BTBD10: variants seen among roughly 807,000 people sequenced by gnomAD.
BTBD10 encodes BTB/POZ domain-containing protein 10.
BTBD10 carries 21 observed loss-of-function variants against 53.2 expected under a neutral mutation model. That is an observed-to-expected ratio of 0.39 (90% CI 0.28 to 0.57). The LOEUF (loss-of-function observed/expected upper bound fraction) is 0.57, where lower values mean the gene tolerates loss of function less well. Among genes scored for constraint, BTBD10 ranks in the 20% least tolerant of loss-of-function variants. BTBD10 has a pLI of 0.53. For synonymous variants in BTBD10, 149 were observed against 192.7 expected (o/e 0.77, Z 1.88); for missense variants, 360 against 594.7 (o/e 0.61, Z 4.10).
At chr11:13,448,210 C>T (rs913307457) in intron 1 of BTBD10, among the ~76,000 whole-genome samples, 2 of 152,098 alleles carry the variant, frequency 1.3e-5, no homozygotes, top group Non-Finnish European at 2.9e-5. Flanking sequence ...GGAAAAAAGA[C>T]ACCTCTCATG....
intron 6 of BTBD10, among the ~76,000 whole-genome samples, chr11:13,411,908 C>T (rs1302986858): frequency 6.6e-6 from 1 of 151,732 alleles, no homozygotes; most frequent in African/African-American, 2.4e-5. Flanking sequence ...CTCGGCTCAC[C>T]ACAACCTCCA....
At chr11:13,414,861 AAAAAG>A in intron 5 of BTBD10, among the ~76,000 whole-genome samples, 1 of 145,350 alleles carries the variant, frequency 6.9e-6, no homozygotes, top group Middle Eastern at 3.5e-3. Context: ...AAAAAAAAAA[AAAAAG>A]AAAAGACCTG....
At chr11:13,399,902 C>T (rs1312544080) in intron 8 of BTBD10, among the ~76,000 whole-genome samples, 1 of 152,198 alleles carries the variant, frequency 6.6e-6, no homozygotes, top group Non-Finnish European at 1.5e-5. Context: ...GATCGTTCCT[C>T]TGGAAGTTTT....
chr11:13,450,136 A>G (rs549173187), intron 1 of BTBD10, among the ~76,000 whole-genome samples: 123 of 152,326 alleles, frequency 8.1e-4, no homozygotes, highest in Non-Finnish European at 1.2e-3. Context: ...AGAATTACAT[A>G]GTGATCCCAG....
chr11:13,457,497 C>T (rs1197860345), intron 1 of BTBD10, among the ~76,000 whole-genome samples: 1 of 152,112 alleles, frequency 6.6e-6, no homozygotes, highest in African/African-American at 2.4e-5. Context: ...AGGTACAGAA[C>T]AAGCAGTATT....
intron 5 of BTBD10, among the ~76,000 whole-genome samples, chr11:13,416,757 G>A (rs1232090101): frequency 2.0e-5 from 3 of 152,176 alleles, no homozygotes; most frequent in Admixed American, 1.3e-4. Flanking sequence ...CAGGAGGATC[G>A]CTTGAGCCCT....
Position 13,391,151 on chromosome 11 carries a change from A to T in BTBD10, c.1118-2010T>A, listed in dbSNP as rs79353117. Among the ~76,000 whole-genome samples the T allele has an allele frequency of 6.3e-3, 956 of 152,300 alleles. 14 individuals carry two copies. Among genetic ancestry groups the T allele is most frequent in the African/African-American group, 0.022 (900 of 41,560 alleles). On this transcript the variant is annotated intron_variant, in intron 8 of 8. Transcript: ENST00000278174. The stretch of plus-strand genomic sequence containing the variant: ...AATTGGAAGGTCTGTACTCCTCAGA[A>T]TATTATACAAGGCTTTTTTTACAGC...
At chr11:13,435,874 T>A (rs1420144193) in intron 2 of BTBD10, among the ~76,000 whole-genome samples, 2 of 152,218 alleles carry the variant, frequency 1.3e-5, no homozygotes, top group Non-Finnish European at 2.9e-5. Context: ...CCTTTTTCTA[T>A]TAAATTCTCC....
At chr11:13,394,818 T>A (rs1377502974) in intron 8 of BTBD10, among the ~76,000 whole-genome samples, 1 of 152,032 alleles carries the variant, frequency 6.6e-6, no homozygotes, top group Non-Finnish European at 1.5e-5. Context: ...TTGCGATAGT[T>A]TGCTGAGAAT....
intron 2 of BTBD10, among the ~76,000 whole-genome samples, chr11:13,434,456 C>A (rs572606137): frequency 7.7e-4 from 117 of 152,238 alleles, no homozygotes; most frequent in Non-Finnish European, 1.4e-3. Context: ...TAAGAGTTAT[C>A]CTTGGCTTTT....
intron 6 of BTBD10, among the ~76,000 whole-genome samples, chr11:13,406,494 C>T (rs1266545726): frequency 6.6e-6 from 1 of 151,862 alleles, no homozygotes; most frequent in Admixed American, 6.6e-5. Context: ...ATCTCAAGAA[C>T]TACTGCTACT....
chr11:13,392,201 C>T (rs1298656231), intron 8 of BTBD10, among the ~76,000 whole-genome samples: 2 of 152,060 alleles, frequency 1.3e-5, no homozygotes, highest in African/African-American at 2.4e-5. Flanking sequence ...ATAGTGGAAG[C>T]GTAAAGAATT....
chr11:13,397,837 T>C (rs1361887081), intron 8 of BTBD10, among the ~76,000 whole-genome samples: 1 of 152,206 alleles, frequency 6.6e-6, no homozygotes, highest in African/African-American at 2.4e-5. Flanking sequence ...TCAGTTTCCA[T>C]GTAGTTGAGT....
intron 1 of BTBD10, among the ~76,000 whole-genome samples, chr11:13,455,647 G>A (rs1352711355): frequency 1.3e-5 from 2 of 152,026 alleles, no homozygotes; most frequent in East Asian, 3.9e-4. Context: ...TTCAAAACCA[G>A]AAACACCTTA....
rs1325821092 is a variant in BTBD10 at position 13,445,026 on chromosome 11, T to G, written c.99A>C (p.Ser33=). 3 of 1,602,922 alleles carry G rather than the reference T, an allele frequency of 1.9e-6. No individual in the cohort carries two copies. Among genetic ancestry groups the G allele is most frequent in the Admixed American group, 3.3e-5 (2 of 59,906 alleles). ...HSRPRKLYKH[S]STSSRIAKGG... ...CGAAATACATATTTTCTACCTACCT[T>G]GAATGTTTATAAAGTTTACGAGGTC... Residue 33 remains serine, a splice_region_variant and synonymous_variant, in exon 2 of 9, where the codon TCA becomes TCC. Coordinates refer to ENST00000278174, the MANE Select transcript of BTBD10 (RefSeq NM_032320.7).
intron 2 of BTBD10, among the ~76,000 whole-genome samples, chr11:13,428,455 G>C (rs1273949677): frequency 6.6e-6 from 1 of 151,718 alleles, no homozygotes; most frequent in Non-Finnish European, 1.5e-5. Flanking sequence ...ACATTGCCCA[G>C]ACACCAATAT....
intron 2 of BTBD10, among the ~76,000 whole-genome samples, chr11:13,427,711 GATC>G (rs1227249809): frequency 6.6e-6 from 1 of 152,078 alleles, no homozygotes; most frequent in African/African-American, 2.4e-5. Context: ...TCTCAAGATA[GATC>G]ATATTTTGGG....
intron 8 of BTBD10, among the ~76,000 whole-genome samples, chr11:13,395,123 C>A (rs1409125816): frequency 1.4e-5 from 2 of 147,242 alleles, no homozygotes; most frequent in Non-Finnish European, 3.0e-5. Flanking sequence ...GCCACACCAA[C>A]TTCCACAATG....
chr11:13,422,279 A>G (rs1201384845), intron 2 of BTBD10, among the ~76,000 whole-genome samples: 2 of 152,240 alleles, frequency 1.3e-5, no homozygotes. Context: ...ATAAGTCTAC[A>G]TGCTAACTTC....
Sources: allele counts gnomAD v4.1 joint callset (sites outside exome capture counted in the v4.1 genomes callset), GRCh38; gene constraint gnomAD v4.1.1; transcripts MANE v1.5; gene names NCBI Gene and HGNC (gene_info 2026-07-23, HGNC 2026-07-21).